The following PHLPP1 variants were observed in gnomAD, a reference collection of about 807,000 sequenced individuals.
PHLPP1 encodes PH domain leucine-rich repeat-containing protein phosphatase 1.
PHLPP1 carries 42 observed loss-of-function variants against 117.2 expected under a neutral mutation model. The observed-to-expected ratio is 0.36, with a 90% CI of 0.28 to 0.46. The LOEUF (loss-of-function observed/expected upper bound fraction) is 0.46, where lower values mean the gene tolerates loss of function less well. PHLPP1 is among the 20% of genes least tolerant of loss of function. The pLI, the probability that PHLPP1 is intolerant of heterozygous loss-of-function variation, is 1.00. For missense variants in PHLPP1, 2,084 were observed against 2,241.9 expected (o/e 0.93, Z 1.42); for synonymous variants, 1,042 against 970.7 (o/e 1.07, Z -1.37).
chr18:62,932,373 A>G (rs1194441702), intron 10 of PHLPP1, among the ~76,000 whole-genome samples: 2 of 152,252 alleles, frequency 1.3e-5, no homozygotes, highest in Non-Finnish European at 2.9e-5. Context: ...TCTTCATCAA[A>G]TAAGTAGCCA....
chr18:62,891,888 C>CAAAAA (rs574107579), intron 4 of PHLPP1, among the ~76,000 whole-genome samples: 19 of 79,102 alleles, frequency 2.4e-4, no homozygotes, highest in Non-Finnish European at 4.0e-4. Flanking sequence ...GACCCTTTCT[C>CAAAAA]AAAAAAAAAA....
intron 12 of PHLPP1, among the ~76,000 whole-genome samples, chr18:62,948,845 A>C (rs1442979981): frequency 6.6e-6 from 1 of 152,186 alleles, no homozygotes; most frequent in Non-Finnish European, 1.5e-5. Flanking sequence ...TCATATGAGA[A>C]TATTTTAAGT....
intron 6 of PHLPP1, among the ~76,000 whole-genome samples, chr18:62,896,833 C>T (rs761827954): frequency 6.6e-5 from 10 of 152,124 alleles, no homozygotes; most frequent in Non-Finnish European, 1.2e-4. Flanking sequence ...ATTCCAGTCC[C>T]ATAAAGAATT....
At chr18:62,796,620 G>A (rs1394923946) in intron 1 of PHLPP1, among the ~76,000 whole-genome samples, 1 of 152,188 alleles carries the variant, frequency 6.6e-6, no homozygotes, top group Non-Finnish European at 1.5e-5. Context: ...TTTGAAATAG[G>A]GAAGAGTTGA....
chr18:62,900,237 CA>C (rs1340207321), intron 6 of PHLPP1, among the ~76,000 whole-genome samples: 3 of 151,758 alleles, frequency 2.0e-5, no homozygotes, highest in Non-Finnish European at 4.4e-5. Flanking sequence ...GCGGAGGTTG[CA>C]GTGGGCCAAG....
At chr18:62,872,027 A>ACC (rs1915918278) in intron 4 of PHLPP1, among the ~76,000 whole-genome samples, 4 of 152,204 alleles carry the variant, frequency 2.6e-5, no homozygotes, top group Admixed American at 1.3e-4. Flanking sequence ...GTTTGTAAAT[A>ACC]TAGAGGAGGC....
At chr18:62,892,028 G>A (rs933243718) in intron 4 of PHLPP1, among the ~76,000 whole-genome samples, 1 of 146,004 alleles carries the variant, frequency 6.8e-6, no homozygotes, top group Admixed American at 6.8e-5. Context: ...AACAAAAATA[G>A]TAAGAAAAGT....
At chr18:62,815,421 T>A (rs570311056) in intron 1 of PHLPP1, among the ~76,000 whole-genome samples, 277 of 152,140 alleles carry the variant, frequency 1.8e-3, no homozygotes, top group African/African-American at 6.5e-3. Flanking sequence ...CTCCCAAAAG[T>A]GCTGGGATTA....
chr18:62,737,667 G>T (rs773689667), intron 1 of PHLPP1, among the ~76,000 whole-genome samples: 1 of 152,110 alleles, frequency 6.6e-6, no homozygotes, highest in Non-Finnish European at 1.5e-5. Context: ...CAAGGTATTT[G>T]TCATTCCAAA....
chr18:62,836,460 TAAATAAATAAATAAATAAATAAATAAAA>T lies in PHLPP1; in HGVS notation c.1774-2322_1774-2295del, dbSNP rs1319880678. Among the ~76,000 whole-genome samples, 82 of 147,364 alleles carry T rather than the reference TAAATAAATAAATAAATAAATAAATAAAA, an allele frequency of 5.6e-4. 1 individual carries two copies. The South Asian group carries it at 7.5e-3, about 13-fold the overall frequency. ...ATAAATAAATAAATAAATAAATAAA[TAAATAAATAAATAAATAAATAAATAAAA>T]ATAAATTACTGGATTTTGATGCAAC... On this transcript the variant is annotated intron_variant, in intron 2 of 16. Transcript: ENST00000262719.
chr18:62,765,177 G>A (rs1189640062), intron 1 of PHLPP1, among the ~76,000 whole-genome samples: 1 of 152,138 alleles, frequency 6.6e-6, no homozygotes, highest in Non-Finnish European at 1.5e-5. Context: ...CCACTCCAAA[G>A]CTGACCTTTT....
Position 62,719,908 on chromosome 18 carries a change from G to A in PHLPP1, c.1576+2649G>A, listed in dbSNP as rs1297647160. ...GAGGCTTTGAAAGCCATTTGTGGTT[G>A]CTTTGAATATTTAAATATTTATCTG... On this transcript the variant is annotated intron_variant, in intron 1 of 16. Transcript: ENST00000262719. 2.0e-5 allele frequency among the ~76,000 whole-genome samples: 3 copies of A among 152,092 alleles called. No individual in the cohort carries two copies. In the East Asian group the frequency reaches 5.8e-4, roughly 29 times the overall value.
At position 62,945,124 on chromosome 18, in the gene PHLPP1, G is replaced by A; in HGVS notation, c.3177G>A (p.Leu1059=). ...CTTTTTTTAGTAAAATGGCGAAACTGGAGGAACTTGAAGAAATTGATCTCA... is the reference window on the plus strand; with the variant it reads ...CTTTTTTTAGTAAAATGGCGAAACTAGAGGAACTTGAAGAAATTGATCTCA... ...QSFPASKMAK[L]EELEEIDLSG... is the part of the protein sequence containing the mutation. The change falls in exon 12 of 17, where the codon CTG becomes CTA. Residue 1059 remains leucine, a synonymous_variant. Transcript: ENST00000262719. 6.3e-7 allele frequency: 1 copy of A among 1,589,442 alleles called. No homozygotes were observed. Among genetic ancestry groups the A allele is most frequent in the Non-Finnish European group, 8.5e-7 (1 of 1,171,350 alleles).
At chr18:62,899,323 C>T (rs1033900679) in intron 6 of PHLPP1, among the ~76,000 whole-genome samples, 3 of 152,202 alleles carry the variant, frequency 2.0e-5, no homozygotes, top group African/African-American at 4.8e-5. Context: ...CTTTGTAGCA[C>T]AGACCCTTGC....
intron 4 of PHLPP1, among the ~76,000 whole-genome samples, chr18:62,871,171 A>T (rs1372160783): frequency 6.6e-6 from 1 of 152,154 alleles, no homozygotes; most frequent in Non-Finnish European, 1.5e-5. Context: ...CTTTTTGCTG[A>T]TTTAAATTTA....
At position 62,978,385 on chromosome 18, in the gene PHLPP1, A is replaced by G. The variant is rs372014566; in HGVS notation, c.4108A>G (p.Ile1370Val). The change falls in exon 17 of 17, where the codon ATC becomes GTC. Residue 1370 changes from isoleucine to valine, a missense_variant. Physicochemically the swap from Ile to Val is conservative, Grantham distance 29 (BLOSUM62 3). This residue lies in a region of PHLPP1 where 1,365 missense variants were observed against 1,605.9 expected (regional missense o/e 0.85). Transcript: ENST00000262719. This position sits in a 1 kb window ranked among gnomAD's most constrained non-coding sequence, Gnocchi z 7.0. ...VLLTPQDEFF[I>V]LGSKGLWDSL... ...CCTGACTCCCCAGGATGAGTTCTTC[A>G]TCCTAGGCAGTAAGGGGTTGTGGGA... is the stretch of plus-strand genomic sequence containing the variant. 37 of 1,612,470 alleles carry G rather than the reference A, an allele frequency of 2.3e-5. No individual in the cohort carries two copies. Among genetic ancestry groups the G allele is most frequent in the Non-Finnish European group, 3.1e-5 (36 of 1,179,366 alleles).
At chr18:62,751,461 AG>A (rs1362827107) in intron 1 of PHLPP1, among the ~76,000 whole-genome samples, 2 of 152,210 alleles carry the variant, frequency 1.3e-5, no homozygotes, top group African/African-American at 4.8e-5. Flanking sequence ...GAAAATGGCA[AG>A]CATGCAGAGG....
At chr18:62,852,143 G>A (rs971398733) in intron 3 of PHLPP1, among the ~76,000 whole-genome samples, 1 of 151,976 alleles carries the variant, frequency 6.6e-6, no homozygotes, top group African/African-American at 2.4e-5. Context: ...GCCTCCCAAA[G>A]TGTAGAAATT....
At chr18:62,896,098 G>C in intron 6 of PHLPP1, 87 bp downstream of exon 6, 1 of 754,246 alleles carries the variant, frequency 1.3e-6, no homozygotes, top group Non-Finnish European at 2.2e-6. Flanking sequence ...AGGCAAACAA[G>C]CTGGGTAATT....
Sources: allele counts gnomAD v4.1 joint callset (sites outside exome capture counted in the v4.1 genomes callset), GRCh38; gene constraint gnomAD v4.1.1; regional missense constraint gnomAD v4.1.1; non-coding constraint Gnocchi (gnomAD v3.1); transcripts MANE v1.5; gene names NCBI Gene and HGNC (gene_info 2026-07-23, HGNC 2026-07-21).